The following ARHGEF10L variants were observed in gnomAD, a reference collection of about 807,000 sequenced individuals.
ARHGEF10L encodes the protein Rho guanine nucleotide exchange factor 10 like, also known as rho guanine nucleotide exchange factor 10-like protein.
A neutral mutation model predicts 141.2 loss-of-function variants in ARHGEF10L; 69 were observed. The observed-to-expected ratio is 0.49, with a 90% CI of 0.40 to 0.60. The LOEUF (loss-of-function observed/expected upper bound fraction) is 0.60, where lower values mean the gene tolerates loss of function less well. ARHGEF10L is among the 20% of genes least tolerant of loss of function. The probability of loss-of-function intolerance (pLI) is 0.00; values close to 1 mark genes in which losing one functional copy is unlikely to be tolerated. For missense variants in ARHGEF10L, 1,482 were observed against 1,734.3 expected (o/e 0.85, Z 2.58); for synonymous variants, 711 against 718.5 (o/e 0.99, Z 0.17).
At chr1:17,667,225 G>A (rs2063040695) in intron 26 of ARHGEF10L, among the ~76,000 whole-genome samples, 1 of 152,178 alleles carries the variant, frequency 6.6e-6, no homozygotes, top group African/African-American at 2.4e-5. Context: ...GCCTGCTCTG[G>A]GGGTCTCCAA....
chr1:17,638,645 C>G lies in ARHGEF10L; in HGVS notation c.2127C>G (p.Ala709=). The part of the protein sequence containing the change: ...MRVKEEEIHS[A]NKCRLRLLLP... ...TGAAGGAGGAAGAGATCCACTCGGC[C>G]AACAAGTGCCGTCTCAGGCTCCTGC... The change falls in exon 20 of 29, where the codon GCC becomes GCG. Residue 709 remains alanine (A), a synonymous_variant. Transcript: ENST00000361221. 1 of 1,614,080 alleles carries G rather than the reference C, an allele frequency of 6.2e-7. No homozygotes were observed. The highest frequency in any genetic ancestry group is 1.1e-5 in the South Asian group (1 of 91,084).
chr1:17,675,003 C>T (rs1324467590), intron 26 of ARHGEF10L, among the ~76,000 whole-genome samples: 1 of 152,158 alleles, frequency 6.6e-6, no homozygotes, highest in Non-Finnish European at 1.5e-5. Context: ...CGTTAAGCAA[C>T]ACGTGGCTGT....
intron 26 of ARHGEF10L, among the ~76,000 whole-genome samples, chr1:17,677,984 C>T (rs1012560670): frequency 6.6e-6 from 1 of 152,210 alleles, no homozygotes; most frequent in African/African-American, 2.4e-5. Flanking sequence ...GTCCCTCCTT[C>T]CTCATGGGGG....
chr1:17,555,182 A>T (rs2077260715), intron 1 of ARHGEF10L, among the ~76,000 whole-genome samples: 1 of 151,998 alleles, frequency 6.6e-6, no homozygotes, highest in East Asian at 1.9e-4. Context: ...TGCCTTTAAC[A>T]TGTGGAGTAT....
chr1:17,635,499 C>A (rs989537362), intron 18 of ARHGEF10L, among the ~76,000 whole-genome samples: 8 of 152,216 alleles, frequency 5.3e-5, no homozygotes, highest in Non-Finnish European at 1.0e-4. Flanking sequence ...GCCAGCCCCT[C>A]TGGGCTCCTG....
chr1:17,577,775 T>A (rs1393956784), intron 1 of ARHGEF10L, among the ~76,000 whole-genome samples: 1 of 152,248 alleles, frequency 6.6e-6, no homozygotes, highest in Admixed American at 6.5e-5. Flanking sequence ...GGTCACCTTG[T>A]CCTCTTGCTT....
intron 4 of ARHGEF10L, among the ~76,000 whole-genome samples, chr1:17,588,977 T>G (rs2079300527): frequency 1.3e-5 from 2 of 151,606 alleles, no homozygotes; most frequent in South Asian, 2.1e-4. Context: ...CCATTTGTCT[T>G]GTTAATATCA....
intron 21 of ARHGEF10L, among the ~76,000 whole-genome samples, chr1:17,647,362 G>A (rs1386146754): frequency 6.6e-6 from 1 of 152,168 alleles, no homozygotes; most frequent in African/African-American, 2.4e-5. Context: ...GGGCATAGAC[G>A]GCGGCGCTCA....
At chr1:17,666,919 G>A (rs1213857349) in intron 26 of ARHGEF10L, among the ~76,000 whole-genome samples, 2 of 151,360 alleles carry the variant, frequency 1.3e-5, no homozygotes, top group African/African-American at 4.8e-5. Context: ...CCTTCTGAGA[G>A]GAAGGTGAGC....
intron 27 of ARHGEF10L, among the ~76,000 whole-genome samples, chr1:17,693,522 A>G (rs1420197134): frequency 2.0e-5 from 3 of 152,170 alleles, no homozygotes; most frequent in South Asian, 2.1e-4. Context: ...ACCCACATGT[A>G]TGGAGTTGAA....
intron 1 of ARHGEF10L, among the ~76,000 whole-genome samples, chr1:17,548,646 CTTTTTTTTTTTTTTT>C (rs892480738): frequency 2.3e-5 from 2 of 88,324 alleles, no homozygotes; most frequent in African/African-American, 4.8e-5. Flanking sequence ...CAAAATAATT[CTTTTTTTTTTTTTTT>C]TTTTTTTTTT....
Position 17,656,714 on chromosome 1 carries a change from G to A in ARHGEF10L, c.2860+6G>A, listed in dbSNP as rs771515455. Reference sequence around the variant, plus strand: ...TGCTTACCCTCGGACCAGCGGTGAGGACTGGGGGGAATGGGGGAAGGGGGG... The same window carrying A: ...TGCTTACCCTCGGACCAGCGGTGAGAACTGGGGGGAATGGGGGAAGGGGGG... On this transcript the variant is annotated splice_donor_region_variant and intron_variant, in intron 25 of 28. Coordinates refer to ENST00000361221, the MANE Select transcript of ARHGEF10L (RefSeq NM_018125.4). The surrounding 1 kb of genome is among the most constrained non-coding windows in gnomAD (Gnocchi z 4.9). 6.2e-7 allele frequency: 1 copy of A among 1,609,066 alleles called. No homozygotes were observed. The highest frequency in any genetic ancestry group is 2.2e-5 in the East Asian group (1 of 44,768).
Position 17,552,125 on chromosome 1 carries a change from G to C in ARHGEF10L, c.-44+12175G>C, listed in dbSNP as rs1570418033. 2.0e-5 allele frequency among the ~76,000 whole-genome samples: 3 copies of C among 152,090 alleles called. No individual in the cohort carries two copies. The South Asian group carries it at 6.2e-4, about 32-fold the overall frequency. ...ACTCCATGGGGCTGGTGCAGGATTT[G>C]ATTAACAGGTCACATGAGGCCAGTG... On this transcript the variant is annotated intron_variant, in intron 1 of 28. Transcript: ENST00000361221.
chr1:17,578,159 T>C (rs1424822093), intron 1 of ARHGEF10L, among the ~76,000 whole-genome samples: 1 of 152,208 alleles, frequency 6.6e-6, no homozygotes, highest in African/African-American at 2.4e-5. Flanking sequence ...TTTCTGCTGC[T>C]TCCCTCCTGG....
chr1:17,674,229 C>G (rs186238542), intron 26 of ARHGEF10L, among the ~76,000 whole-genome samples: 1 of 152,304 alleles, frequency 6.6e-6, no homozygotes, highest in East Asian at 1.9e-4. Context: ...CCTGAGCCTT[C>G]CAGGGCTCCA....
chr1:17,627,239 G>A lies in ARHGEF10L; in HGVS notation c.1411-91G>A, dbSNP rs1353411877. On this transcript the variant is annotated intron_variant, in intron 14 of 28. Transcript: ENST00000361221. The surrounding 1 kb of genome is among the most constrained non-coding windows in gnomAD (Gnocchi z 4.0). ...GCCGGGCCCTTTGCAGACCCAGTGTGTGTAGGGGGTTGCGCAGGGTGAGGC... is the reference window on the plus strand; with the variant it reads ...GCCGGGCCCTTTGCAGACCCAGTGTATGTAGGGGGTTGCGCAGGGTGAGGC... The A allele has an allele frequency of 1.3e-6, 2 of 1,502,308 alleles. No individual in the cohort carries two copies. The highest frequency in any genetic ancestry group is 2.7e-5 in the African/African-American group (2 of 72,828). 93.1% of individuals were successfully genotyped at this position (1,502,308 alleles called of 1,614,324 possible).
At chr1:17,592,528 T>G (rs898733635) in intron 4 of ARHGEF10L, among the ~76,000 whole-genome samples, 1 of 152,104 alleles carries the variant, frequency 6.6e-6, no homozygotes, top group Admixed American at 6.6e-5. Flanking sequence ...TATCAGGGGC[T>G]GAGAGGATCA....
Position 17,697,147 on chromosome 1 carries a change from C to T in ARHGEF10L, c.3607C>T (p.His1203Tyr), listed in dbSNP as rs1283980858. 6.2e-7 allele frequency: 1 copy of T among 1,611,736 alleles called. No homozygotes were observed. Among genetic ancestry groups the T allele is most frequent in the East Asian group, 2.2e-5 (1 of 44,860 alleles). The change falls in exon 29 of 29, where the codon CAC becomes TAC. Residue 1203 changes from histidine to tyrosine, a missense_variant. By Grantham distance (83) the His-to-Tyr change is moderately conservative. Around this residue, in one of 3 missense-constraint regions of ARHGEF10L, gnomAD observed 858 missense variants for 966.3 expected, o/e 0.89. Transcript: ENST00000361221. This position sits in a 1 kb window ranked among gnomAD's most constrained non-coding sequence, Gnocchi z 4.8. The part of the protein sequence containing the change: ...PAPADGAALE[H>Y]SEEDGSIYEM... ...GCCTGCTGATGGCGCAGCTTTGGAGCACAGCGAGGAGGACGGCTCCATTTA... is the reference window on the plus strand; with the variant it reads ...GCCTGCTGATGGCGCAGCTTTGGAGTACAGCGAGGAGGACGGCTCCATTTA...
intron 15 of ARHGEF10L, among the ~76,000 whole-genome samples, chr1:17,629,567 A>G (rs1196454386): frequency 6.6e-6 from 1 of 152,096 alleles, no homozygotes; most frequent in Non-Finnish European, 1.5e-5. Flanking sequence ...TACCTGCTCC[A>G]GGAGGATTGG....
Sources: allele counts gnomAD v4.1 joint callset (sites outside exome capture counted in the v4.1 genomes callset), GRCh38; gene constraint gnomAD v4.1.1; regional missense constraint gnomAD v4.1.1; non-coding constraint Gnocchi (gnomAD v3.1); transcripts MANE v1.5; gene names NCBI Gene and HGNC (gene_info 2026-07-23, HGNC 2026-07-21).